The following TADA1 variants were observed in gnomAD, a reference collection of about 807,000 sequenced individuals.
TADA1 encodes the protein transcriptional adaptor 1.
A neutral mutation model predicts 39.3 loss-of-function variants in TADA1; 23 were observed. The ratio of observed to expected loss-of-function variants is 0.58; its 90% CI spans 0.42 to 0.83. The LOEUF is 0.83. Among genes scored for constraint, TADA1 ranks in the 40% least tolerant of loss-of-function variants. The probability of loss-of-function intolerance (pLI) is 0.00; values close to 1 mark genes in which losing one functional copy is unlikely to be tolerated. For missense variants in TADA1, 352 were observed against 408.1 expected (o/e 0.86, Z 1.18); for synonymous variants, 137 against 151.8 (o/e 0.90, Z 0.72).
intron 1 of TADA1, among the ~76,000 whole-genome samples, chr1:166,873,204 G>A (rs1204090025): frequency 6.6e-6 from 1 of 152,164 alleles, no homozygotes; most frequent in African/African-American, 2.4e-5. Context: ...CCAGGAGGTG[G>A]AGGTTGCAGT....
intron 3 of TADA1, among the ~76,000 whole-genome samples, chr1:166,868,089 T>G (rs902365061): frequency 2.6e-5 from 4 of 152,226 alleles, no homozygotes; most frequent in African/African-American, 9.6e-5. Flanking sequence ...AATTGCAATT[T>G]AGAAATATAA....
intron 5 of TADA1, 51 bp from the exon 6 acceptor site, chr1:166,860,388 T>C: frequency 6.5e-7 from 1 of 1,539,444 alleles, no homozygotes; most frequent in Non-Finnish European, 8.8e-7. Context: ...TAAAAGCAAA[T>C]CATAAAACTT....
rs142677659 is a variant in TADA1 at position 166,859,389 on chromosome 1, C to T, written c.692+797G>A. Among the ~76,000 whole-genome samples, 116 of 152,292 alleles carry T rather than the reference C, an allele frequency of 7.6e-4. 1 individual carries two copies. Among genetic ancestry groups the T allele is most frequent in the African/African-American group, 2.4e-3 (100 of 41,554 alleles). ...TCTCTTCTCCCAAACTAACCAGATA[C>T]GCAAAGTCCAGCAAATCACAAGAAA... On this transcript the variant is annotated intron_variant, in intron 6 of 7. Transcript: ENST00000367874.
chr1:166,874,318 C>T (rs906369666), intron 1 of TADA1, among the ~76,000 whole-genome samples: 10 of 149,278 alleles, frequency 6.7e-5, no homozygotes, highest in Non-Finnish European at 1.3e-4. Context: ...CCAGCCTGGA[C>T]GACAGAGCAA....
At chr1:166,861,256 G>A (rs1025215936) in intron 5 of TADA1, among the ~76,000 whole-genome samples, 2 of 152,112 alleles carry the variant, frequency 1.3e-5, no homozygotes, top group Non-Finnish European at 2.9e-5. Context: ...ATCAGGCAGG[G>A]TGTTTCAATT....
At position 166,862,367 on chromosome 1, in the gene TADA1, C is replaced by G. The variant is rs755308556; in HGVS notation, c.376G>C (p.Val126Leu). ...TCATCATCTTGGGGATCCTTTGCCA[C>G]AAATTGCTGGGCTCCTGAGAGAGGA... is the stretch of plus-strand genomic sequence containing the variant. ...QNPLSGAQQF[V>L]AKDPQDDDDL... The change falls in exon 5 of 8, where the codon GTG becomes CTG. Residue 126 changes from valine (V) to leucine (L), a missense_variant. Transcript: ENST00000367874. 5.0e-5 allele frequency: 80 copies of G among 1,614,100 alleles called. No individual in the cohort carries two copies. The Admixed American group carries it at 1.3e-3, about 27-fold the overall frequency.
intron 1 of TADA1, among the ~76,000 whole-genome samples, chr1:166,872,969 T>G (rs1658687709): frequency 6.6e-6 from 1 of 152,146 alleles, no homozygotes; most frequent in East Asian, 1.9e-4. Flanking sequence ...TAAAGAATAT[T>G]AAATAACATA....
At position 166,857,579 on chromosome 1, in the gene TADA1, A is replaced by C. The variant is rs1262542361; in HGVS notation, c.996T>G (p.Leu332=). The change falls in exon 8 of 8, where the codon CTT becomes CTG. Residue 332 remains leucine, a synonymous_variant. Transcript: ENST00000367874. ...HRQRLAAKEG[L]LLC The stretch of plus-strand genomic sequence containing the variant: ...CTCAAATCCTAATTTAGCACAGCAA[A>C]AGCCCCTCCTTGGCTGCCAAGCGCT... 1.2e-6 allele frequency: 2 copies of C among 1,613,960 alleles called. No individual in the cohort carries two copies. Among genetic ancestry groups the C allele is most frequent in the Non-Finnish European group, 1.7e-6 (2 of 1,180,004 alleles).
chr1:166,858,180 C>G lies in TADA1; in HGVS notation c.794G>C (p.Gly265Ala), dbSNP rs1459775815. ...QQAALLLACS[G>A]DTLPASLPPV... ...AGGCAAAGATGCAGGTAGAGTGTCT[C>G]CGGAGCATGCCAGCAGGAGTGCAGC... Residue 265 changes from glycine to alanine, a missense_variant, in exon 7 of 8, where the codon GGA becomes GCA. Around this residue, in one of 3 missense-constraint regions of TADA1, gnomAD observed 285 missense variants for 310.9 expected, o/e 0.92. Transcript: ENST00000367874. 1.2e-6 allele frequency: 2 copies of G among 1,613,936 alleles called. No homozygotes were observed. The highest frequency in any genetic ancestry group is 1.7e-6 in the Non-Finnish European group (2 of 1,180,018).
intron 1 of TADA1, among the ~76,000 whole-genome samples, chr1:166,872,758 G>A (rs989291747): frequency 6.6e-6 from 1 of 151,998 alleles, no homozygotes; most frequent in African/African-American, 2.4e-5. Context: ...CTCACCAGAA[G>A]ATGCTGGTGC....
chr1:166,861,401 C>T (rs1658410982), intron 5 of TADA1, among the ~76,000 whole-genome samples: 1 of 152,170 alleles, frequency 6.6e-6, no homozygotes, highest in African/African-American at 2.4e-5. Context: ...GAAAATAGGG[C>T]TCAGAGAATT....
intron 1 of TADA1, among the ~76,000 whole-genome samples, chr1:166,871,741 T>C (rs1233975650): frequency 6.6e-6 from 1 of 152,092 alleles, no homozygotes; most frequent in Non-Finnish European, 1.5e-5. Context: ...TTTTATACAT[T>C]TTTTTAAAGG....
intron 1 of TADA1, among the ~76,000 whole-genome samples, chr1:166,871,016 A>G (rs887124188): frequency 1.3e-5 from 2 of 152,254 alleles, no homozygotes; most frequent in East Asian, 3.9e-4. Context: ...GTAGTCATTT[A>G]TATTTGTTTT....
intron 5 of TADA1, among the ~76,000 whole-genome samples, chr1:166,860,941 T>C (rs900824754): frequency 3.3e-5 from 5 of 152,182 alleles, no homozygotes; most frequent in African/African-American, 1.2e-4. Flanking sequence ...AGTGCTGGGA[T>C]TACAGGCATG....
At chr1:166,870,821 C>T (rs1658643140) in intron 1 of TADA1, among the ~76,000 whole-genome samples, 1 of 152,112 alleles carries the variant, frequency 6.6e-6, no homozygotes, top group Non-Finnish European at 1.5e-5. Context: ...AGAGCAAGAC[C>T]TTGTCTCAAA....
rs1257862597 is a variant in TADA1 at position 166,865,536 on chromosome 1, G to A, written c.233-1615C>T. On this transcript the variant is annotated intron_variant, in intron 3 of 7. Transcript: ENST00000367874. The stretch of plus-strand genomic sequence containing the variant: ...ACACTTAAAAAGAAAACTCAAGGCC[G>A]GGTGCGGTGGCTCAAGCCTGTAATC... Among the ~76,000 whole-genome samples, 9 of 151,926 alleles carry A rather than the reference G, an allele frequency of 5.9e-5. No homozygotes were observed. In the South Asian group the frequency reaches 1.2e-3, roughly 21 times the overall value.
At chr1:166,872,419 CT>C (rs1658678137) in intron 1 of TADA1, among the ~76,000 whole-genome samples, 2 of 152,292 alleles carry the variant, frequency 1.3e-5, no homozygotes, top group African/African-American at 4.8e-5. Flanking sequence ...TGCCTATAAT[CT>C]CAGGACTTTA....
In TADA1 at chr1:166,857,667, C is replaced by T. The variant is rs1454863027; in HGVS notation, c.908G>A (p.Arg303Lys). 1.2e-6 allele frequency: 2 copies of T among 1,614,168 alleles called. No individual in the cohort carries two copies. The highest frequency in any genetic ancestry group is 1.7e-6 in the Non-Finnish European group (2 of 1,180,038). ...THTVYALNIE[R>K]IITKLWHPNH... ...TGGATGCCAGAGTTTCGTGATGATC[C>T]TTTCAATGTTAAGAGCATAGACAGT... The change falls in exon 8 of 8, where the codon AGG becomes AAG. Residue 303 changes from arginine (R) to lysine (K), a missense_variant. Transcript: ENST00000367874.
At chr1:166,869,718 G>A (rs1244797759) in intron 2 of TADA1, 45 bp downstream of exon 2, 1 of 1,572,220 alleles carries the variant, frequency 6.4e-7, no homozygotes, top group Non-Finnish European at 8.7e-7. Flanking sequence ...ACAAATCTAG[G>A]AAAACTACAG....
Sources: gnomAD v4.1 joint callset for allele counts (sites outside exome capture counted in the v4.1 genomes callset) on GRCh38, gnomAD v4.1.1 for gene constraint, gnomAD v4.1.1 regional missense constraint, MANE v1.5 for transcripts, NCBI Gene and HGNC (gene_info 2026-07-23, HGNC 2026-07-21) for gene names.